ADAMTS17: variants seen among roughly 807,000 people sequenced by gnomAD.
The protein encoded by ADAMTS17 is ADAM metallopeptidase with thrombospondin type 1 motif 17, also known as A disintegrin and metalloproteinase with thrombospondin motifs 17.
A neutral mutation model predicts 141.5 loss-of-function variants in ADAMTS17; 113 were observed. That is an observed-to-expected ratio of 0.80 (90% CI 0.69 to 0.93). The LOEUF is 0.93. Among genes scored for constraint, ADAMTS17 ranks in the 40% least tolerant of loss-of-function variants. The probability of loss-of-function intolerance (pLI) is 0.00; values close to 1 mark genes in which losing one functional copy is unlikely to be tolerated. For missense variants in ADAMTS17, 1,659 were observed against 1,517.9 expected, an observed-to-expected ratio of 1.09 and a Z score of -1.54; for synonymous variants, 768 against 630.6, an observed-to-expected ratio of 1.22 and a Z score of -3.27.
intron 3 of ADAMTS17, among the ~76,000 whole-genome samples, chr15:100,324,654 T>C (rs967730939): frequency 6.6e-6 from 1 of 152,192 alleles, no homozygotes; most frequent in African/African-American, 2.4e-5. Flanking sequence ...GAGGCAAGGA[T>C]GGCAGATTCA....
intron 8 of ADAMTS17, 97 bp downstream of exon 8, chr15:100,199,221 A>G: frequency 3.4e-6 from 4 of 1,174,682 alleles, no homozygotes; most frequent in South Asian, 1.2e-5. Flanking sequence ...GCAAAGGCAT[A>G]GAGCAGCACT....
chr15:100,107,937 T>C (rs972750683), intron 14 of ADAMTS17, among the ~76,000 whole-genome samples: 5 of 152,084 alleles, frequency 3.3e-5, no homozygotes, highest in African/African-American at 1.2e-4. Context: ...GGGAGTATGG[T>C]ACCTGTGGCA....
chr15:100,091,010 C>CAAAAAAAAAAAAAAAAAAAA (rs556800178), intron 15 of ADAMTS17, among the ~76,000 whole-genome samples: 15 of 54,604 alleles, frequency 2.7e-4, no homozygotes, highest in South Asian at 7.1e-4. Flanking sequence ...TCCGTCTCAA[C>CAAAAAAAAAAAAAAAAAAAA]AAAAAAAAAA....
chr15:100,065,547 T>C (rs902828751), intron 15 of ADAMTS17, among the ~76,000 whole-genome samples: 2 of 152,212 alleles, frequency 1.3e-5, no homozygotes, highest in African/African-American at 4.8e-5. Flanking sequence ...TTCACTATTC[T>C]GGTTGCAATT....
At chr15:100,299,062 G>A (rs924123628) in intron 3 of ADAMTS17, among the ~76,000 whole-genome samples, 12 of 152,042 alleles carry the variant, frequency 7.9e-5, no homozygotes, top group African/African-American at 1.7e-4. Context: ...TAAGGACACC[G>A]GTCATATCAG....
chr15:100,303,469 T>G (rs551966926), intron 3 of ADAMTS17, among the ~76,000 whole-genome samples: 1 of 151,702 alleles, frequency 6.6e-6, no homozygotes, highest in African/African-American at 2.4e-5. Context: ...TTTCATGAGG[T>G]CCAATTTATC....
intron 15 of ADAMTS17, among the ~76,000 whole-genome samples, chr15:100,054,486 A>G (rs1404736289): frequency 6.6e-6 from 1 of 152,228 alleles, no homozygotes; most frequent in Non-Finnish European, 1.5e-5. Context: ...CTGCTTTAGC[A>G]AAACTCATCA....
At chr15:100,177,080 T>C (rs908312416) in intron 8 of ADAMTS17, among the ~76,000 whole-genome samples, 18 of 152,238 alleles carry the variant, frequency 1.2e-4, no homozygotes, top group African/African-American at 4.3e-4. Context: ...TGAATATTCA[T>C]GTGCAAGTTT....
At chr15:100,331,158 T>C in intron 2 of ADAMTS17, 104 bp from the exon 3 acceptor site, 3 of 1,451,268 alleles carry the variant, frequency 2.1e-6, no homozygotes, top group Non-Finnish European at 2.8e-6. Context: ...GATTTGGTTT[T>C]CCAGGTCTGG....
intron 7 of ADAMTS17, among the ~76,000 whole-genome samples, chr15:100,214,311 T>C (rs187971047): frequency 1.1e-4 from 16 of 152,334 alleles, no homozygotes; most frequent in Admixed American, 5.9e-4. Flanking sequence ...ATCTTTGCTA[T>C]GTGCTAAGAT....
intron 17 of ADAMTS17, among the ~76,000 whole-genome samples, chr15:100,050,340 G>C (rs1381289990): frequency 1.3e-5 from 2 of 152,210 alleles, no homozygotes; most frequent in Non-Finnish European, 2.9e-5. Context: ...GGAAAACCTG[G>C]CTGGAATCAG....
At chr15:100,091,138 G>A (rs1355314682) in intron 15 of ADAMTS17, among the ~76,000 whole-genome samples, 1 of 151,760 alleles carries the variant, frequency 6.6e-6, no homozygotes, top group African/African-American at 2.4e-5. Context: ...CTGACCCAGA[G>A]CTCAAAGTCC....
At chr15:100,142,360 G>C (rs2038698717) in intron 10 of ADAMTS17, among the ~76,000 whole-genome samples, 1 of 152,112 alleles carries the variant, frequency 6.6e-6, no homozygotes, top group South Asian at 2.1e-4. Context: ...CAATCCCTGG[G>C]GGTTCCAGGC....
At chr15:100,060,438 G>A (rs567630997) in intron 15 of ADAMTS17, among the ~76,000 whole-genome samples, 4 of 152,338 alleles carry the variant, frequency 2.6e-5, no homozygotes, top group African/African-American at 2.4e-5. Context: ...TGGTCTTCCA[G>A]GCACTGTGGG....
intron 3 of ADAMTS17, among the ~76,000 whole-genome samples, chr15:100,297,834 A>G (rs548162383): frequency 6.6e-6 from 1 of 152,312 alleles, no homozygotes; most frequent in South Asian, 2.1e-4. Context: ...TCAAAACCAC[A>G]TGGCTAGATA....
At chr15:100,192,996 C>T (rs1305128830) in intron 8 of ADAMTS17, among the ~76,000 whole-genome samples, 1 of 152,232 alleles carries the variant, frequency 6.6e-6, no homozygotes, top group Non-Finnish European at 1.5e-5. Flanking sequence ...ATGTGGCATC[C>T]TTCCCGACGT....
At chr15:100,242,013 T>G (rs1225806399) in intron 7 of ADAMTS17, among the ~76,000 whole-genome samples, 1 of 152,150 alleles carries the variant, frequency 6.6e-6, no homozygotes, top group Non-Finnish European at 1.5e-5. Context: ...GAAATTGAGG[T>G]TAAAAACTCA....
intron 3 of ADAMTS17, among the ~76,000 whole-genome samples, chr15:100,285,702 C>A (rs181549536): frequency 6.6e-6 from 1 of 152,192 alleles, no homozygotes; most frequent in Non-Finnish European, 1.5e-5. Flanking sequence ...ATGACCCGCA[C>A]GAATGCTTGA....
At chr15:100,035,189 G>T (rs1425537172) in intron 18 of ADAMTS17, among the ~76,000 whole-genome samples, 1 of 152,152 alleles carries the variant, frequency 6.6e-6, no homozygotes, top group Non-Finnish European at 1.5e-5. Flanking sequence ...GCTCTAGATG[G>T]TTAGAAATGA....
Sources: allele counts gnomAD v4.1 joint callset (sites outside exome capture counted in the v4.1 genomes callset), GRCh38; gene constraint gnomAD v4.1.1; transcripts MANE v1.5; gene names NCBI Gene and HGNC (gene_info 2026-07-23, HGNC 2026-07-21).